RTL4: variants seen among roughly 807,000 people sequenced by gnomAD.
RTL4 encodes the protein retrotransposon Gag like 4.
A neutral mutation model predicts 5.3 loss-of-function variants in RTL4; 4 were observed. That is an observed-to-expected ratio of 0.75 (90% confidence interval 0.37 to 1.72). The LOEUF is 1.72. Among genes scored for constraint, RTL4 ranks in the 40% most tolerant of loss-of-function variants. RTL4 has a pLI of 0.04. For missense variants in RTL4, 260 were observed against 227.1 expected (o/e 1.14, Z -0.93); for synonymous variants, 98 against 87.3 (o/e 1.12, Z -0.68).
chrX:112,344,940 G>A, the RTL4 span, among the ~76,000 whole-genome samples: 2 of 111,120 alleles, frequency 1.8e-5, no homozygotes, highest in Admixed American at 1.9e-4. Flanking sequence ...TTGTGCAGGG[G>A]AACTCCCATT....
the RTL4 span, among the ~76,000 whole-genome samples, chrX:112,230,649 C>T: frequency 7.1e-5 from 8 of 112,065 alleles, no homozygotes; most frequent in African/African-American, 2.6e-4. Flanking sequence ...ATTCGGCCAT[C>T]GTGGCTCCAC....
chrX:112,410,693 G>A, the RTL4 span, among the ~76,000 whole-genome samples: 3 of 111,175 alleles, frequency 2.7e-5, no homozygotes, highest in Non-Finnish European at 5.7e-5. Context: ...AAATGATAAT[G>A]GAAACACAAT....
At chrX:112,310,786 ATAT>A in the RTL4 span, among the ~76,000 whole-genome samples, 3,774 of 82,910 alleles carry the variant, frequency 0.046, 214 homozygotes, top group African/African-American at 0.14. Flanking sequence ...ATATATATTA[ATAT>A]TATATATAAT....
At chrX:112,315,982 G>A in the RTL4 span, among the ~76,000 whole-genome samples, 1 of 112,115 alleles carries the variant, frequency 8.9e-6, no homozygotes, top group Non-Finnish European at 1.9e-5. Flanking sequence ...GCCATAGAAT[G>A]TGTGTTTTCT....
the RTL4 span, among the ~76,000 whole-genome samples, chrX:112,182,081 A>C: frequency 1.8e-5 from 2 of 111,912 alleles, no homozygotes; most frequent in Non-Finnish European, 3.8e-5. Context: ...GCAGACCTGC[A>C]GCAGACGGGC....
At chrX:112,368,435 C>A in the RTL4 span, among the ~76,000 whole-genome samples, 4 of 111,323 alleles carry the variant, frequency 3.6e-5, no homozygotes, top group Non-Finnish European at 7.6e-5. Context: ...GCCTTGAAAT[C>A]AAATTCATTT....
chrX:112,431,559 T>G, the RTL4 span, among the ~76,000 whole-genome samples: 1 of 111,198 alleles, frequency 9.0e-6, no homozygotes, highest in African/African-American at 3.3e-5. Flanking sequence ...GCTCCTGGGT[T>G]TCTGCTTTTG....
chrX:112,269,705 C>T, the RTL4 span, among the ~76,000 whole-genome samples: 1 of 112,087 alleles, frequency 8.9e-6, no homozygotes, highest in African/African-American at 3.2e-5. Flanking sequence ...AAGCCCACCT[C>T]CCAGATACAG....
At chrX:112,159,060 T>C in the RTL4 span, among the ~76,000 whole-genome samples, 3 of 112,373 alleles carry the variant, frequency 2.7e-5, no homozygotes, top group African/African-American at 6.5e-5. Flanking sequence ...TTTGCATTCA[T>C]TGATTACCAT....
At chrX:112,114,475 G>A in the RTL4 span, among the ~76,000 whole-genome samples, 8,303 of 111,746 alleles carry the variant, frequency 0.074, 559 homozygotes, top group African/African-American at 0.21. Context: ...ATGTGAGGTC[G>A]AAGCTTTGCC....
chrX:112,124,668 G>A, the RTL4 span, among the ~76,000 whole-genome samples: 1 of 101,447 alleles, frequency 9.9e-6, no homozygotes, highest in African/African-American at 4.1e-5. Flanking sequence ...ACACCGGGCC[G>A]GTTGTTGGGG....
At chrX:112,099,848 C>A in the RTL4 span, among the ~76,000 whole-genome samples, 408 of 111,097 alleles carry the variant, frequency 3.7e-3, 1 homozygote, top group African/African-American at 0.013. Flanking sequence ...AAGGTCTGAC[C>A]TAAAATAGAA....
the RTL4 span, among the ~76,000 whole-genome samples, chrX:112,431,609 A>T: frequency 9.0e-6 from 1 of 111,482 alleles, no homozygotes; most frequent in Non-Finnish European, 1.9e-5. Context: ...TGTCTCTCTA[A>T]TTTAGGGGGC....
chrX:112,229,207 T>C, the RTL4 span, among the ~76,000 whole-genome samples: 1 of 112,220 alleles, frequency 8.9e-6, no homozygotes, highest in South Asian at 3.7e-4. Context: ...TTTACTGAGC[T>C]TCTATTATGT....
chrX:112,205,627 G>GCA, the RTL4 span, among the ~76,000 whole-genome samples: 1 of 109,322 alleles, frequency 9.1e-6, no homozygotes, highest in South Asian at 3.9e-4. Context: ...ACACACACAC[G>GCA]CACACACACA....
At chrX:112,328,030 C>G in the RTL4 span, among the ~76,000 whole-genome samples, 1 of 105,778 alleles carries the variant, frequency 9.5e-6, no homozygotes, top group Non-Finnish European at 1.9e-5. Flanking sequence ...AAGGAACAAC[C>G]GGTACCAGCT....
chrX:112,141,521 G>A, the RTL4 span, among the ~76,000 whole-genome samples: 1 of 111,940 alleles, frequency 8.9e-6, no homozygotes, highest in Non-Finnish European at 1.9e-5. Context: ...TGTCTACAGT[G>A]TAAGCTTTCA....
At chrX:112,174,883 T>C in the RTL4 span, among the ~76,000 whole-genome samples, 3 of 81,976 alleles carry the variant, frequency 3.7e-5, no homozygotes, top group Non-Finnish European at 7.3e-5. Context: ...ATGTCTTCTT[T>C]TGAGAAGTGT....
At chrX:112,407,873 A>T in the RTL4 span, among the ~76,000 whole-genome samples, 1 of 112,464 alleles carries the variant, frequency 8.9e-6, no homozygotes, top group South Asian at 3.7e-4. Context: ...AAACCCAATA[A>T]TTCTTCCAAA....
Sources: allele counts gnomAD v4.1 joint callset (sites outside exome capture counted in the v4.1 genomes callset), GRCh38; gene constraint gnomAD v4.1.1; transcripts MANE v1.5; gene names NCBI Gene and HGNC (gene_info 2026-07-23, HGNC 2026-07-21).